Variants in CHST11 observed in about 807,000 individuals in gnomAD.
The protein encoded by CHST11 is carbohydrate sulfotransferase 11.
Under a neutral mutation model 30.4 loss-of-function variants are expected in CHST11, and 9 were observed. That is an observed-to-expected ratio of 0.30 (90% CI 0.18 to 0.52). The LOEUF (loss-of-function observed/expected upper bound fraction) is 0.52, where lower values mean the gene tolerates loss of function less well. Ranked by LOEUF, CHST11 falls within the 20% of genes least tolerant of loss-of-function variation. The pLI is 0.97. For missense variants in CHST11, 348 were observed against 460.6 expected, an observed-to-expected ratio of 0.76 and a Z score of 2.24; for synonymous variants, 152 against 187.8, an observed-to-expected ratio of 0.81 and a Z score of 1.56.
chr12:104,708,966 G>T (rs1348322141), intron 2 of CHST11, among the ~76,000 whole-genome samples: 1 of 152,180 alleles, frequency 6.6e-6, no homozygotes, highest in East Asian at 1.9e-4. Context: ...TGTAGGGAAA[G>T]AGAAAGGTCA....
At chr12:104,645,150 T>C (rs2039414451) in intron 2 of CHST11, among the ~76,000 whole-genome samples, 1 of 152,100 alleles carries the variant, frequency 6.6e-6, no homozygotes, top group African/African-American at 2.4e-5. Flanking sequence ...GGTTTCACCA[T>C]GTTAGCCAGG....
intron 1 of CHST11, among the ~76,000 whole-genome samples, chr12:104,496,078 C>T (rs1251860689): frequency 6.6e-6 from 1 of 152,192 alleles, no homozygotes; most frequent in Non-Finnish European, 1.5e-5. Context: ...GTAAAATACT[C>T]TGTACTTTTT....
chr12:104,562,927 G>C (rs759392499), intron 1 of CHST11, among the ~76,000 whole-genome samples: 2 of 152,220 alleles, frequency 1.3e-5, no homozygotes, highest in Non-Finnish European at 2.9e-5. Context: ...ATTCTCCACT[G>C]TGTTGGCTTA....
intron 1 of CHST11, among the ~76,000 whole-genome samples, chr12:104,464,217 A>G (rs955352912): frequency 3.3e-5 from 5 of 151,738 alleles, no homozygotes; most frequent in South Asian, 2.1e-4. Flanking sequence ...ACAGGCATGC[A>G]CCACCACACC....
At chr12:104,710,483 A>G (rs997318736) in intron 2 of CHST11, among the ~76,000 whole-genome samples, 1 of 151,926 alleles carries the variant, frequency 6.6e-6, no homozygotes, top group Non-Finnish European at 1.5e-5. Flanking sequence ...CTCCTCTAGG[A>G]CTGGAAATCC....
intron 2 of CHST11, among the ~76,000 whole-genome samples, chr12:104,733,507 G>A (rs1008746605): frequency 4.6e-5 from 7 of 152,146 alleles, no homozygotes; most frequent in African/African-American, 7.2e-5. Context: ...GTTGGGAGTC[G>A]CAGCCAACAC....
intron 1 of CHST11, among the ~76,000 whole-genome samples, chr12:104,549,281 C>T (rs1489592438): frequency 6.6e-6 from 1 of 152,138 alleles, no homozygotes; most frequent in Non-Finnish European, 1.5e-5. Flanking sequence ...GATCGACATG[C>T]TCCTTTACAT....
intron 2 of CHST11, among the ~76,000 whole-genome samples, chr12:104,656,460 C>T (rs981296041): frequency 3.3e-5 from 5 of 152,150 alleles, no homozygotes; most frequent in Non-Finnish European, 7.3e-5. Context: ...ACTCAGGCTC[C>T]GTCTCAGGTG....
intron 2 of CHST11, among the ~76,000 whole-genome samples, chr12:104,669,999 G>C (rs1181116223): frequency 6.6e-6 from 1 of 152,236 alleles, no homozygotes; most frequent in African/African-American, 2.4e-5. Context: ...TTAGTTTAGA[G>C]GAGGCCCTTA....
At chr12:104,574,949 TG>T (rs2038668136) in intron 1 of CHST11, among the ~76,000 whole-genome samples, 1 of 152,028 alleles carries the variant, frequency 6.6e-6, no homozygotes, top group Non-Finnish European at 1.5e-5. Context: ...CCCAGGTCTT[TG>T]GGAGGCCAAG....
chr12:104,667,841 T>C (rs2039655445), intron 2 of CHST11, among the ~76,000 whole-genome samples: 1 of 152,180 alleles, frequency 6.6e-6, no homozygotes, highest in African/African-American at 2.4e-5. Flanking sequence ...CCTGGCGAGC[T>C]TTCAAACACC....
At position 104,729,249 on chromosome 12, in the gene CHST11, C is replaced by T. The variant is rs986931112; in HGVS notation, c.205-27700C>T. On this transcript the variant is annotated intron_variant, in intron 2 of 2. Coordinates refer to ENST00000303694, the MANE Select transcript of CHST11 (RefSeq NM_018413.6). This position sits in a 1 kb window ranked among gnomAD's most constrained non-coding sequence, Gnocchi z 4.0. Reference sequence around the variant, plus strand: ...GACCTCCTGCCCCACATACTCTGTCCCCTTGAGCAAGCCTCTCTGTGACCT... The same window carrying T: ...GACCTCCTGCCCCACATACTCTGTCTCCTTGAGCAAGCCTCTCTGTGACCT... 2.0e-5 allele frequency among the ~76,000 whole-genome samples: 3 copies of T among 152,250 alleles called. No homozygotes were observed. The highest frequency in any genetic ancestry group is 7.2e-5 in the African/African-American group (3 of 41,532).
intron 2 of CHST11, among the ~76,000 whole-genome samples, chr12:104,710,267 G>T (rs1011438059): frequency 6.6e-6 from 1 of 152,220 alleles, no homozygotes. Context: ...GCCTGTGGCT[G>T]CAGCGAGGAG....
chr12:104,658,846 T>C (rs79712694), intron 2 of CHST11, among the ~76,000 whole-genome samples: 3,332 of 152,330 alleles, frequency 0.022, 41 homozygotes, highest in Non-Finnish European at 0.032. Flanking sequence ...TGAAATAGGC[T>C]CTATTGCCGT....
At chr12:104,654,766 C>T (rs1353404999) in intron 2 of CHST11, among the ~76,000 whole-genome samples, 2 of 152,188 alleles carry the variant, frequency 1.3e-5, no homozygotes, top group African/African-American at 4.8e-5. Flanking sequence ...AGACGCCAAC[C>T]TCTAGCCTCC....
At chr12:104,703,198 A>G (rs774107110) in intron 2 of CHST11, among the ~76,000 whole-genome samples, 2 of 152,264 alleles carry the variant, frequency 1.3e-5, no homozygotes, top group Non-Finnish European at 1.5e-5. Context: ...ACCCTAGAGT[A>G]TGTGCTAGGT....
At chr12:104,693,027 TCTCCTGAGGCTTCTCTC>T (rs775400772) in intron 2 of CHST11, among the ~76,000 whole-genome samples, 3 of 152,154 alleles carry the variant, frequency 2.0e-5, no homozygotes, top group Non-Finnish European at 2.9e-5. Flanking sequence ...CAGGTTGGTT[TCTCCTGAGGCTTCTCTC>T]CTTGGCTTGC....
chr12:104,640,942 C>A (rs1212360287), intron 2 of CHST11, among the ~76,000 whole-genome samples: 2 of 152,174 alleles, frequency 1.3e-5, no homozygotes, highest in Non-Finnish European at 2.9e-5. Flanking sequence ...CCTGCCCCGA[C>A]CCCCATCCTG....
At chr12:104,541,032 G>C (rs948753988) in intron 1 of CHST11, among the ~76,000 whole-genome samples, 1 of 152,076 alleles carries the variant, frequency 6.6e-6, no homozygotes, top group Admixed American at 6.5e-5. Flanking sequence ...ATGACCCAGC[G>C]TCCCTGAGGT....
Sources: gnomAD v4.1 joint callset for allele counts (sites outside exome capture counted in the v4.1 genomes callset) on GRCh38, gnomAD v4.1.1 for gene constraint, Gnocchi (gnomAD v3.1) non-coding constraint, MANE v1.5 for transcripts, NCBI Gene and HGNC (gene_info 2026-07-23, HGNC 2026-07-21) for gene names.